Variants in LRMDA observed in about 807,000 individuals in gnomAD.
LRMDA encodes the protein leucine rich melanocyte differentiation associated.
In LRMDA, 18 loss-of-function variants were observed where a neutral mutation model predicts 29.8. That is an observed-to-expected ratio of 0.60 (90% CI 0.42 to 0.90). The LOEUF is 0.90. Ranked by LOEUF, LRMDA falls within the 40% of genes least tolerant of loss-of-function variation. The probability of loss-of-function intolerance (pLI) is 0.00; values close to 1 mark genes in which losing one functional copy is unlikely to be tolerated. For missense variants in LRMDA, 273 were observed against 273.9 expected (o/e 1.00, Z 0.02); for synonymous variants, 125 against 109.4 (o/e 1.14, Z -0.89).
At chr10:76,121,932 C>T (rs1012334286) in intron 5 of LRMDA, among the ~76,000 whole-genome samples, 7 of 152,102 alleles carry the variant, frequency 4.6e-5, no homozygotes, top group African/African-American at 1.7e-4. Context: ...CTGTTCTAGG[C>T]ACTGGAGATA....
intron 6 of LRMDA, among the ~76,000 whole-genome samples, chr10:76,472,980 G>A (rs1842633202): frequency 6.6e-6 from 1 of 151,498 alleles, no homozygotes; most frequent in South Asian, 2.1e-4. Flanking sequence ...TCTTCACAAA[G>A]TCTTCCCAAA....
chr10:75,760,667 G>A (rs1367656526), intron 2 of LRMDA, among the ~76,000 whole-genome samples: 1 of 152,164 alleles, frequency 6.6e-6, no homozygotes. Flanking sequence ...TCTTCTGATT[G>A]TCTCTCTCCT....
intron 6 of LRMDA, among the ~76,000 whole-genome samples, chr10:76,331,832 A>T (rs2132407998): frequency 6.6e-6 from 1 of 152,336 alleles, no homozygotes; most frequent in East Asian, 1.9e-4. Context: ...TCTTGGTGGA[A>T]TTCTCAGATG....
In LRMDA at chr10:75,733,979, T is replaced by G. The variant is rs1211208084; in HGVS notation, c.131+295485T>G. ...TGAGAAGGAGGCTTCTCAAGCCCTTTCCCTTCAAGATTCTTACCTTTGCTT... is the reference window on the plus strand; with the variant it reads ...TGAGAAGGAGGCTTCTCAAGCCCTTGCCCTTCAAGATTCTTACCTTTGCTT... On this transcript the variant is annotated intron_variant, in intron 2 of 6. Coordinates refer to ENST00000611255, the MANE Select transcript of LRMDA (RefSeq NM_001305581.2). Among the ~76,000 whole-genome samples, 5 of 152,290 alleles carry G rather than the reference T, an allele frequency of 3.3e-5. No homozygotes were observed. In the East Asian group the frequency reaches 9.7e-4, roughly 29 times the overall value.
chr10:76,228,693 A>G lies in LRMDA; in HGVS notation c.517-95708A>G, dbSNP rs144127589. On this transcript the variant is annotated intron_variant, in intron 5 of 6. Coordinates refer to ENST00000611255, the MANE Select transcript of LRMDA (RefSeq NM_001305581.2). ...AGACATGCAAAAAACCTGGAAAGAT[A>G]TCTCAAAAGGCCAACCTACAATAGT... Among the ~76,000 whole-genome samples the G allele has an allele frequency of 1.5e-3, 234 of 152,274 alleles. 1 individual carries two copies. Among genetic ancestry groups the G allele is most frequent in the African/African-American group, 5.3e-3 (221 of 41,556 alleles).
At chr10:76,067,231 G>A (rs957614707) in intron 5 of LRMDA, among the ~76,000 whole-genome samples, 12 of 152,200 alleles carry the variant, frequency 7.9e-5, no homozygotes, top group African/African-American at 1.9e-4. Flanking sequence ...TCACTGTCTC[G>A]TTTTAAGGAG....
intron 2 of LRMDA, among the ~76,000 whole-genome samples, chr10:75,486,608 T>C (rs1844916851): frequency 1.3e-5 from 2 of 151,988 alleles, no homozygotes; most frequent in Non-Finnish European, 2.9e-5. Flanking sequence ...CAAGTAGATG[T>C]TAGGAGCTAG....
intron 2 of LRMDA, among the ~76,000 whole-genome samples, chr10:75,914,319 C>T (rs1253037560): frequency 6.6e-6 from 1 of 152,142 alleles, no homozygotes; most frequent in East Asian, 1.9e-4. Context: ...CTCTCCTATT[C>T]GTGTTACTTT....
intron 5 of LRMDA, among the ~76,000 whole-genome samples, chr10:76,201,008 T>C (rs1026447847): frequency 6.7e-5 from 10 of 150,000 alleles, no homozygotes; most frequent in Non-Finnish European, 3.0e-5. Flanking sequence ...TGAGCCACCA[T>C]GCCTGGCCAA....
chr10:76,015,127 G>A (rs1432714769), intron 2 of LRMDA, among the ~76,000 whole-genome samples: 2 of 152,246 alleles, frequency 1.3e-5, no homozygotes, highest in Non-Finnish European at 2.9e-5. Context: ...TTGGAAGATT[G>A]AAGAAATAGA....
intron 2 of LRMDA, among the ~76,000 whole-genome samples, chr10:75,724,063 A>C (rs1014388016): frequency 6.6e-6 from 1 of 151,942 alleles, no homozygotes; most frequent in Non-Finnish European, 1.5e-5. Flanking sequence ...AAAAATTATT[A>C]TTTTTTTTGC....
At chr10:75,496,272 A>C (rs1845043726) in intron 2 of LRMDA, among the ~76,000 whole-genome samples, 1 of 152,212 alleles carries the variant, frequency 6.6e-6, no homozygotes. Flanking sequence ...CTCTTGCTAG[A>C]TGACTTTTGG....
At chr10:75,860,839 GA>G (rs1367302883) in intron 2 of LRMDA, among the ~76,000 whole-genome samples, 1 of 152,190 alleles carries the variant, frequency 6.6e-6, no homozygotes, top group African/African-American at 2.4e-5. Flanking sequence ...CACTGGGGAA[GA>G]ACTCGGATTG....
At chr10:75,629,112 A>T (rs1841292217) in intron 2 of LRMDA, among the ~76,000 whole-genome samples, 1 of 152,198 alleles carries the variant, frequency 6.6e-6, no homozygotes, top group African/African-American at 2.4e-5. Context: ...AGAGCTGGCC[A>T]CAGAGCACTC....
chr10:75,612,702 C>G (rs1262434633), intron 2 of LRMDA, among the ~76,000 whole-genome samples: 1 of 149,204 alleles, frequency 6.7e-6, no homozygotes, highest in Non-Finnish European at 1.5e-5. Context: ...TTTAGAGAGG[C>G]AATAGTGTGG....
intron 2 of LRMDA, among the ~76,000 whole-genome samples, chr10:75,915,517 G>A (rs543424532): frequency 1.3e-5 from 2 of 152,290 alleles, no homozygotes; most frequent in South Asian, 4.1e-4. Context: ...TGGGATGATA[G>A]GTATGAGCCA....
At chr10:76,372,625 AAAAT>A (rs1473429115) in intron 6 of LRMDA, among the ~76,000 whole-genome samples, 1 of 151,976 alleles carries the variant, frequency 6.6e-6, no homozygotes, top group Non-Finnish European at 1.5e-5. Flanking sequence ...AAAATAAAAT[AAAAT>A]AAAAAATAAA....
At chr10:75,436,275 T>C (rs1844263140) in intron 1 of LRMDA, among the ~76,000 whole-genome samples, 1 of 152,098 alleles carries the variant, frequency 6.6e-6, no homozygotes, top group Non-Finnish European at 1.5e-5. Context: ...TTAGATTTAG[T>C]CCTTGGCCAT....
At chr10:75,718,853 T>A (rs1316097403) in intron 2 of LRMDA, among the ~76,000 whole-genome samples, 1 of 152,220 alleles carries the variant, frequency 6.6e-6, no homozygotes, top group East Asian at 1.9e-4. Flanking sequence ...TTAACCGTCA[T>A]GTTAATGAGT....
Sources: gnomAD v4.1 joint callset for allele counts (sites outside exome capture counted in the v4.1 genomes callset) on GRCh38, gnomAD v4.1.1 for gene constraint, MANE v1.5 for transcripts, NCBI Gene and HGNC (gene_info 2026-07-23, HGNC 2026-07-21) for gene names.